The following SRRM2 variants were observed in gnomAD, a reference collection of about 807,000 sequenced individuals.
The protein encoded by SRRM2 is serine/arginine repetitive matrix 2.
SRRM2 carries 30 observed loss-of-function variants against 213.8 expected under a neutral mutation model. The ratio of observed to expected loss-of-function variants is 0.14; its 90% CI spans 0.10 to 0.19. The LOEUF (loss-of-function observed/expected upper bound fraction) is 0.19, where lower values mean the gene tolerates loss of function less well. Among genes scored for constraint, SRRM2 ranks in the 10% least tolerant of loss-of-function variants. The probability of loss-of-function intolerance (pLI) is 1.00; values close to 1 mark genes in which losing one functional copy is unlikely to be tolerated. For missense variants in SRRM2, 4,904 were observed against 3,647.0 expected (o/e 1.34, Z -8.88); for synonymous variants, 2,025 against 1,377.7 (o/e 1.47, Z -10.40).
Position 2,762,774 on chromosome 16 carries a change from T to G in SRRM2, c.2246T>G (p.Met749Arg). 1 of 1,614,120 alleles carries G rather than the reference T, an allele frequency of 6.2e-7. No homozygotes were observed. The highest frequency in any genetic ancestry group is 1.3e-5 in the African/African-American group (1 of 75,040). The change falls in exon 11 of 15, where the codon ATG (methionine) becomes AGG (arginine). Residue 749 changes from methionine (M) to arginine (R), a missense_variant. By Grantham distance (91) the Met-to-Arg change is moderately conservative (BLOSUM62 -1). Coordinates refer to ENST00000301740, the MANE Select transcript of SRRM2 (RefSeq NM_016333.4). Reference sequence around the variant, plus strand: ...AGCAGGTCCAATTCAAGCCCAGAAATGAAGAAATCTCGCATTTCTTCAAGG... The same window carrying G: ...AGCAGGTCCAATTCAAGCCCAGAAAGGAAGAAATCTCGCATTTCTTCAAGG... The part of the protein sequence containing the change: ...RRSRSNSSPE[M>R]KKSRISSRRS...
rs947978182 is a variant in SRRM2, at chr16:2,752,777, G to T, written c.-101G>T. On this transcript the variant is annotated 5_prime_UTR_variant, in exon 1 of 15. Coordinates refer to ENST00000301740, the MANE Select transcript of SRRM2 (RefSeq NM_016333.4). ...GCGAGGCGGCGGCCCCAGGCCCGAG[G>T]GACTCGGGAGCTCGAGCAGCGGCGG... 2 of 350,868 alleles carry T rather than the reference G, an allele frequency of 5.7e-6. No individual in the cohort carries two copies. Among genetic ancestry groups the T allele is most frequent in the Admixed American group, 3.6e-5 (1 of 28,130 alleles). 21.7% of individuals were successfully genotyped at this position (350,868 alleles called of 1,614,324 possible).
In SRRM2 at chr16:2,765,942, G is replaced by C. The variant is rs377462035; in HGVS notation, c.5414G>C (p.Arg1805Pro). 6 of 1,614,050 alleles carry C rather than the reference G, an allele frequency of 3.7e-6. No homozygotes were observed. The African/African-American group carries it at 6.7e-5, about 18-fold the overall frequency. The change falls in exon 11 of 15, where the codon CGG (arginine) becomes CCG (proline). Residue 1805 changes from arginine (R) to proline (P), a missense_variant. Arg to Pro is a moderately radical substitution (Grantham distance 103, BLOSUM62 -2). Transcript: ENST00000301740. ...ACCTCTCGGCGAAGACAGCGGAGCC[G>C]GTCAAGGTCGCGGGTTACTCGGCGG... ...QSTSRRRQRS[R>P]SRSRVTRRRR...
intron 10 of SRRM2, chr16:2,760,765 G>A (rs2068315581): frequency 7.0e-6 from 3 of 431,346 alleles, no homozygotes; most frequent in Non-Finnish European, 1.3e-5. Flanking sequence ...TGGAACAAAC[G>A]TTGTATCTTA....
intron 12 of SRRM2, chr16:2,770,119 T>C: frequency 7.1e-7 from 1 of 1,414,454 alleles, no homozygotes; most frequent in Non-Finnish European, 9.2e-7. Flanking sequence ...CTGAGCTCCT[T>C]CAAGGGCAGG....
At position 2,766,033 on chromosome 16, in the gene SRRM2, T is replaced by C. The variant is rs138735123; in HGVS notation, c.5505T>C (p.Ser1835=). The part of the protein sequence containing the change: ...PARQESSRTS[S]RRRRGRSRTP... The stretch of plus-strand genomic sequence containing the variant: ...GGCAGGAAAGTTCCCGGACCTCCTC[T>C]CGACGCCGAAGAGGCCGCTCTCGGA... The change falls in exon 11 of 15, where the codon TCT becomes TCC. Residue 1835 remains serine, a synonymous_variant. Coordinates refer to ENST00000301740, the MANE Select transcript of SRRM2 (RefSeq NM_016333.4). This position sits in a 1 kb window ranked among gnomAD's most constrained non-coding sequence, Gnocchi z 7.0. 790 of 1,613,786 alleles carry C rather than the reference T, an allele frequency of 4.9e-4. 3 individuals carry two copies. The African/African-American group carries it at 9.7e-3, about 20-fold the overall frequency.
Position 2,766,569 on chromosome 16 carries a change from C to G in SRRM2, c.6041C>G (p.Thr2014Arg). 6.2e-7 allele frequency: 1 copy of G among 1,614,184 alleles called. No homozygotes were observed. The highest frequency in any genetic ancestry group is 8.5e-7 in the Non-Finnish European group (1 of 1,180,038). ...TCCCGCTCTCGAACCTCACCAGTGA[C>G]ACGCCGCCGCTCTAGGTCCCGGACA... is the stretch of plus-strand genomic sequence containing the variant. ...RRSRSRTSPVTRRRSRSRTPP... is the reference protein window; with the variant it reads ...RRSRSRTSPVRRRRSRSRTPP... Residue 2014 changes from threonine (T) to arginine (R), a missense_variant, in exon 11 of 15, where the codon ACA (threonine) becomes AGA (arginine). Thr to Arg is a moderately conservative substitution (Grantham distance 71). Coordinates refer to ENST00000301740, the MANE Select transcript of SRRM2 (RefSeq NM_016333.4). The surrounding 1 kb of genome is among the most constrained non-coding windows in gnomAD (Gnocchi z 7.0).
intron 2 of SRRM2, 131 bp from the exon 3 acceptor site, chr16:2,757,341 C>T (rs1032334535): frequency 4.4e-6 from 3 of 682,674 alleles, no homozygotes; most frequent in East Asian, 5.4e-5. Flanking sequence ...ACAGAAGGGA[C>T]TTTTGGGTGA....
chr16:2,754,426 T>C (rs1441172038), intron 1 of SRRM2, among the ~76,000 whole-genome samples: 1 of 152,178 alleles, frequency 6.6e-6, no homozygotes, highest in African/African-American at 2.4e-5. Context: ...CTGGAGTTGC[T>C]GAGATTACAG....
chr16:2,755,500 G>T (rs1193737528), intron 1 of SRRM2, among the ~76,000 whole-genome samples: 1 of 152,176 alleles, frequency 6.6e-6, no homozygotes, highest in Non-Finnish European at 1.5e-5. Flanking sequence ...GAGCAGAGTT[G>T]AAAACAGGTA....
Position 2,756,368 on chromosome 16 carries a change from T to C in SRRM2, c.4T>C (p.Tyr2His). The C allele has an allele frequency of 1.2e-6, 2 of 1,603,000 alleles. No individual in the cohort carries two copies. Among genetic ancestry groups the C allele is most frequent in the Non-Finnish European group, 1.7e-6 (2 of 1,176,726 alleles). Residue 2 changes from tyrosine (Y) to histidine (H), a missense_variant, in exon 2 of 15, where the codon TAC becomes CAC. Transcript: ENST00000301740. The stretch of plus-strand genomic sequence containing the variant: ...TGCCCCCCCCGGGCACGGGGCCATG[T>C]ACAACGGGATCGGGCTGCCGACGCC... Reference protein sequence around the residue: MYNGIGLPTPRG... With the variant: MHNGIGLPTPRG...
At chr16:2,756,686 G>C (rs2068153717) in intron 2 of SRRM2, 80 bp downstream of exon 2, 2 of 1,517,166 alleles carry the variant, frequency 1.3e-6, no homozygotes, top group Non-Finnish European at 1.8e-6. Context: ...AGGGAGCTTA[G>C]GGTGGTTGAA....
Position 2,756,618 on chromosome 16 carries a change from C to A in SRRM2, c.242+12C>A. ...ATGGAAGAGCAGGGGTGAGGGAGAG[C>A]TGGGGGAGAGTCAAGCACTGAATGA... On this transcript the variant is annotated intron_variant, in intron 2 of 14. Transcript: ENST00000301740. 6.2e-7 allele frequency: 1 copy of A among 1,606,594 alleles called. No individual in the cohort carries two copies.
At position 2,769,872 on chromosome 16, in the gene SRRM2, C is replaced by T. The variant is rs774689394; in HGVS notation, c.8022-480C>T. ...TGCCCTGTGCTCCAGCCACACCCAGCGCCTTGCAGTCTAAGGAGAGCCCAT... is the reference window on the plus strand; with the variant it reads ...TGCCCTGTGCTCCAGCCACACCCAGTGCCTTGCAGTCTAAGGAGAGCCCAT... On this transcript the variant is annotated intron_variant, in intron 12 of 14. Coordinates refer to ENST00000301740, the MANE Select transcript of SRRM2 (RefSeq NM_016333.4). 33 of 465,582 alleles carry T rather than the reference C, an allele frequency of 7.1e-5. No homozygotes were observed. In the Middle Eastern group the frequency reaches 1.9e-3, roughly 27 times the overall value. The allele number at this position is 465,582 out of a possible 1,614,324, so 28.8% of individuals were successfully genotyped here.
rs1567235289 is a variant in SRRM2, at chr16:2,764,798, T to A, written c.4270T>A (p.Ser1424Thr). ...PSRERSSSAS[S>T]PEMKDGLPRT... ...GAGAGAAAGAAGTAGTTCTGCATCT[T>A]CTCCTGAAATGAAAGATGGTTTACC... is the stretch of plus-strand genomic sequence containing the variant. The change falls in exon 11 of 15, where the codon TCT (serine) becomes ACT (threonine). Residue 1424 changes from serine to threonine, a missense_variant. Coordinates refer to ENST00000301740, the MANE Select transcript of SRRM2 (RefSeq NM_016333.4). 1.2e-6 allele frequency: 2 copies of A among 1,614,142 alleles called. No homozygotes were observed. Among genetic ancestry groups the A allele is most frequent in the South Asian group, 2.2e-5 (2 of 91,078 alleles).
At chr16:2,753,027 G>A (rs896623172) in intron 1 of SRRM2, among the ~76,000 whole-genome samples, 181 bp downstream of exon 1, 33 of 130,136 alleles carry the variant, frequency 2.5e-4, no homozygotes, top group Non-Finnish European at 3.2e-4. Context: ...CCTGTCGCGC[G>A]CGGGCTTCAC....
rs775068693 is a variant in SRRM2, at chr16:2,765,517, C to A, written c.4989C>A (p.Pro1663=). Residue 1663 remains proline (P), a synonymous_variant, in exon 11 of 15, where the codon CCC becomes CCA. Transcript: ENST00000301740. The stretch of plus-strand genomic sequence containing the variant: ...CCGAGTCCTCTCCTGAACATCCGCC[C>A]AAATCCAGAACTGCTCGCAGAGGTT... ...SSTESSPEHP[P]KSRTARRGSR... 2 of 1,614,052 alleles carry A rather than the reference C, an allele frequency of 1.2e-6. No individual in the cohort carries two copies. Among genetic ancestry groups the A allele is most frequent in the Non-Finnish European group, 1.7e-6 (2 of 1,180,036 alleles).
In SRRM2 at chr16:2,767,573, C is replaced by G. The variant is rs778569798; in HGVS notation, c.7045C>G (p.Pro2349Ala). 3.1e-6 allele frequency: 5 copies of G among 1,614,222 alleles called. No homozygotes were observed. Among genetic ancestry groups the G allele is most frequent in the Non-Finnish European group, 3.4e-6 (4 of 1,180,034 alleles). ...TCCTCGGTCTGCACATGCCACAGCT[C>G]CTGTGAATATTGCCGGCTCCAGAAC... ...VGPRSAHATA[P>A]VNIAGSRTAA... The change falls in exon 11 of 15, where the codon CCT becomes GCT. Residue 2349 changes from proline to alanine, a missense_variant. Transcript: ENST00000301740.
intron 1 of SRRM2, among the ~76,000 whole-genome samples, chr16:2,753,125 C>T (rs1395525867): frequency 4.0e-5 from 6 of 151,488 alleles, no homozygotes; most frequent in Non-Finnish European, 5.9e-5. Context: ...GGAGGGCGCG[C>T]GCCTCGGCTT....
In SRRM2 at chr16:2,771,309, C is replaced by G. The variant is rs778267591; in HGVS notation, c.*442C>G. On this transcript the variant is annotated 3_prime_UTR_variant, in exon 15 of 15. Transcript: ENST00000301740. ...CTACTGTCCCCCATGAGGTTGTGAA[C>G]CCCTCCCCCCAACTTTTCATGTTTC... The G allele has an allele frequency of 4.3e-6, 5 of 1,175,442 alleles. No homozygotes were observed. The African/African-American group carries it at 7.5e-5, about 18-fold the overall frequency. 72.8% of individuals were successfully genotyped at this position (1,175,442 alleles called of 1,614,324 possible).
Sources: allele counts gnomAD v4.1 joint callset (sites outside exome capture counted in the v4.1 genomes callset), GRCh38; gene constraint gnomAD v4.1.1; non-coding constraint Gnocchi (gnomAD v3.1); transcripts MANE v1.5; gene names NCBI Gene and HGNC (gene_info 2026-07-23, HGNC 2026-07-21).